The following NBAS variants were observed in gnomAD, a reference collection of about 807,000 sequenced individuals.
The protein encoded by NBAS is NBAS subunit of NRZ tethering complex, also known as NAG/BC035112 fusion.
In NBAS, 219 loss-of-function variants were observed where a neutral mutation model predicts 302.5. The ratio of observed to expected loss-of-function variants is 0.72; its 90% CI spans 0.65 to 0.81. NBAS has a LOEUF of 0.81. NBAS is among the 30% of genes least tolerant of loss of function. NBAS has a pLI of 0.00. For synonymous variants in NBAS, 1,118 were observed against 1,021.6 expected (o/e 1.09, Z -1.80); for missense variants, 2,932 against 2,841.6 (o/e 1.03, Z -0.72).
At chr2:15,449,834 A>T (rs1186794154) in intron 21 of NBAS, among the ~76,000 whole-genome samples, 2 of 152,222 alleles carry the variant, frequency 1.3e-5, no homozygotes, top group Non-Finnish European at 2.9e-5. Context: ...CAGTCACCTC[A>T]GAAGGCCAAA....
At chr2:15,416,252 T>A (rs776889332) in intron 24 of NBAS, among the ~76,000 whole-genome samples, 1 of 152,134 alleles carries the variant, frequency 6.6e-6, no homozygotes, top group Non-Finnish European at 1.5e-5. Flanking sequence ...TCTATAAAAG[T>A]CAGGAATCTC....
the NBAS span, among the ~76,000 whole-genome samples, chr2:15,074,245 C>T: frequency 3.3e-5 from 5 of 151,824 alleles, no homozygotes; most frequent in Non-Finnish European, 5.9e-5. Flanking sequence ...ATAGGCCAGA[C>T]ATTTGATAAA....
intron 46 of NBAS, among the ~76,000 whole-genome samples, chr2:15,234,066 A>G (rs569325402): frequency 1.3e-5 from 2 of 152,320 alleles, no homozygotes; most frequent in East Asian, 3.9e-4. Flanking sequence ...TATGCCATTA[A>G]TTGCAGGTAA....
the NBAS span, among the ~76,000 whole-genome samples, chr2:14,780,703 C>CACT: frequency 6.6e-6 from 1 of 152,198 alleles, no homozygotes; most frequent in South Asian, 2.1e-4. Flanking sequence ...GTTAGAACCC[C>CACT]ACTTTCACCC....
At chr2:14,820,479 T>C in the NBAS span, among the ~76,000 whole-genome samples, 10 of 152,088 alleles carry the variant, frequency 6.6e-5, no homozygotes, top group Non-Finnish European at 1.5e-5. Flanking sequence ...ATTGAACTCA[T>C]GGTCATAGAG....
chr2:15,481,393 G>A (rs573622680), intron 12 of NBAS, among the ~76,000 whole-genome samples: 42 of 152,204 alleles, frequency 2.8e-4, no homozygotes, highest in African/African-American at 9.9e-4. Flanking sequence ...TTCCACCCCA[G>A]GGCCTCTATG....
At chr2:14,997,459 T>G in the NBAS span, among the ~76,000 whole-genome samples, 1 of 151,918 alleles carries the variant, frequency 6.6e-6, no homozygotes, top group Non-Finnish European at 1.5e-5. Flanking sequence ...GCTTGTTTTT[T>G]TTTTTTTTTA....
chr2:15,371,224 T>A (rs1274855254), intron 31 of NBAS, among the ~76,000 whole-genome samples: 2 of 152,214 alleles, frequency 1.3e-5, no homozygotes, highest in Non-Finnish European at 2.9e-5. Flanking sequence ...CCCTTTGCCT[T>A]CTGCCATGAC....
the NBAS span, among the ~76,000 whole-genome samples, chr2:15,050,555 A>G: frequency 6.6e-6 from 1 of 152,198 alleles, no homozygotes; most frequent in Non-Finnish European, 1.5e-5. Flanking sequence ...GGCTCAGATG[A>G]AAGAATTGGG....
chr2:15,348,446 GCCA>G (rs904750052), intron 35 of NBAS, among the ~76,000 whole-genome samples: 6 of 152,032 alleles, frequency 3.9e-5, no homozygotes, highest in Admixed American at 1.3e-4. Context: ...CTGCAAAGAA[GCCA>G]CCAAGAGGCC....
At position 15,394,344 on chromosome 2, in the gene NBAS, G is replaced by A; in HGVS notation, c.3140C>T (p.Ser1047Leu). 1 of 1,612,482 alleles carries A rather than the reference G, an allele frequency of 6.2e-7. No homozygotes were observed. Among genetic ancestry groups the A allele is most frequent in the Non-Finnish European group, 8.5e-7 (1 of 1,179,054 alleles). Residue 1047 changes from serine to leucine, a missense_variant, in exon 28 of 52, where the codon TCA becomes TTA. Coordinates refer to ENST00000281513, the MANE Select transcript of NBAS (RefSeq NM_015909.4). ...VDQLEQILSV[S>L]ELLEKHGLEK... ...GAGTCCATGTTTTTCCAAAAGCTCTGACACACTATAAGTGAAAAAAGAATT... is the reference window on the plus strand; with the variant it reads ...GAGTCCATGTTTTTCCAAAAGCTCTAACACACTATAAGTGAAAAAAGAATT...
chr2:15,128,889 T>C, the NBAS span, among the ~76,000 whole-genome samples: 7 of 152,222 alleles, frequency 4.6e-5, no homozygotes, highest in African/African-American at 1.7e-4. Context: ...AGAAAGACGA[T>C]GAAGTCAGGC....
the NBAS span, among the ~76,000 whole-genome samples, chr2:14,841,250 CAAAG>C: frequency 6.6e-6 from 1 of 151,226 alleles, no homozygotes; most frequent in Admixed American, 6.6e-5. Flanking sequence ...CACTTAATCA[CAAAG>C]GAAGACAGTA....
At chr2:15,035,346 G>T in the NBAS span, among the ~76,000 whole-genome samples, 1 of 152,178 alleles carries the variant, frequency 6.6e-6, no homozygotes, top group Non-Finnish European at 1.5e-5. Context: ...TGGAGAGGCT[G>T]CAGAGAGACA....
chr2:15,125,517 T>C, the NBAS span, among the ~76,000 whole-genome samples: 61,063 of 151,776 alleles, frequency 0.4, 13,229 homozygotes, highest in African/African-American at 0.58. Flanking sequence ...CCACCAGGCT[T>C]ATCTAAGACT....
At chr2:15,379,883 T>A in intron 29 of NBAS, 52 bp from the exon 30 acceptor site, 2 of 1,525,974 alleles carry the variant, frequency 1.3e-6, no homozygotes, top group Non-Finnish European at 1.8e-6. Context: ...GATTCAGTTC[T>A]CAGTGAAATG....
At chr2:15,481,834 C>A (rs749214675) in intron 12 of NBAS, among the ~76,000 whole-genome samples, 5 of 152,184 alleles carry the variant, frequency 3.3e-5, no homozygotes, top group Non-Finnish European at 5.9e-5. Flanking sequence ...AACCAGAATT[C>A]TTCTTCTCCA....
intron 11 of NBAS, among the ~76,000 whole-genome samples, chr2:15,491,499 G>A (rs1680851636): frequency 1.3e-5 from 2 of 152,328 alleles, no homozygotes; most frequent in South Asian, 4.1e-4. Context: ...CACTTTGGGA[G>A]GCCGAGGCGG....
In NBAS at chr2:15,425,266, G is replaced by C. The variant is rs140563469; in HGVS notation, c.2424-798C>G. 3.6e-3 allele frequency among the ~76,000 whole-genome samples: 552 copies of C among 152,274 alleles called. 3 individuals are homozygous for C. Among genetic ancestry groups the C allele is most frequent in the African/African-American group, 0.012 (478 of 41,556 alleles). On this transcript the variant is annotated intron_variant, in intron 22 of 51. Transcript: ENST00000281513. ...TAAAGCAAGCTGGCAGTACATGACTGGTGCTACAATGGTTCTTGTTGTAAG... is the reference window on the plus strand; with the variant it reads ...TAAAGCAAGCTGGCAGTACATGACTCGTGCTACAATGGTTCTTGTTGTAAG...
Sources: allele counts gnomAD v4.1 joint callset (sites outside exome capture counted in the v4.1 genomes callset), GRCh38; gene constraint gnomAD v4.1.1; transcripts MANE v1.5; gene names NCBI Gene and HGNC (gene_info 2026-07-23, HGNC 2026-07-21).